The following CCSER1 variants were observed in gnomAD, a reference collection of about 807,000 sequenced individuals.
CCSER1 encodes the protein coiled-coil serine rich protein 1, also known as serine-rich coiled-coil domain-containing protein 1.
In CCSER1, 41 loss-of-function variants were observed where a neutral mutation model predicts 82.0. The ratio of observed to expected loss-of-function variants is 0.50; its 90% confidence interval spans 0.39 to 0.65. The LOEUF is 0.65. Among genes scored for constraint, CCSER1 ranks in the 30% least tolerant of loss-of-function variants. The probability of loss-of-function intolerance (pLI) is 0.00; values close to 1 mark genes in which losing one functional copy is unlikely to be tolerated. For synonymous variants in CCSER1, 414 were observed against 383.9 expected, an observed-to-expected ratio of 1.08 and a Z score of -0.92; for missense variants, 1,119 against 1,064.2, an observed-to-expected ratio of 1.05 and a Z score of -0.72.
chr4:90,599,471 A>C (rs750999280), intron 5 of CCSER1, among the ~76,000 whole-genome samples: 1 of 152,118 alleles, frequency 6.6e-6, no homozygotes, highest in Non-Finnish European at 1.5e-5. Context: ...GACTCAATAA[A>C]AACTCTTTTC....
intron 1 of CCSER1, among the ~76,000 whole-genome samples, chr4:90,291,810 T>C (rs1730989529): frequency 6.6e-6 from 1 of 152,018 alleles, no homozygotes; most frequent in African/African-American, 2.4e-5. Context: ...TTAGGTGAAT[T>C]TGTTAATTAT....
intron 7 of CCSER1, among the ~76,000 whole-genome samples, chr4:90,788,031 C>G (rs549801602): frequency 1.6e-4 from 24 of 152,208 alleles, no homozygotes; most frequent in Non-Finnish European, 2.5e-4. Context: ...GATAAGGGTA[C>G]TTTATTTTTA....
chr4:91,151,208 T>G (rs184847141), intron 10 of CCSER1, among the ~76,000 whole-genome samples: 1,761 of 152,052 alleles, frequency 0.012, 20 homozygotes, highest in Non-Finnish European at 0.02. Flanking sequence ...GAGGGTGCAT[T>G]TGTCGAGGAA....
At chr4:91,324,794 A>G (rs77497823) in intron 10 of CCSER1, among the ~76,000 whole-genome samples, 1 of 152,108 alleles carries the variant, frequency 6.6e-6, no homozygotes, top group Admixed American at 6.6e-5. Flanking sequence ...TTAAGCCTTC[A>G]GTGTAGTATT....
chr4:90,819,245 C>G (rs1272606931), intron 8 of CCSER1, among the ~76,000 whole-genome samples: 1 of 152,074 alleles, frequency 6.6e-6, no homozygotes, highest in Non-Finnish European at 1.5e-5. Context: ...CATAAGGACC[C>G]TACCTCATGG....
chr4:91,280,198 G>A (rs1210110329), intron 10 of CCSER1, among the ~76,000 whole-genome samples: 1 of 152,202 alleles, frequency 6.6e-6, no homozygotes, highest in Admixed American at 6.5e-5. Flanking sequence ...CAGTGTTAGT[G>A]GGTTTAGGCA....
At chr4:90,210,793 C>T (rs1739844288) in intron 1 of CCSER1, among the ~76,000 whole-genome samples, 2 of 152,110 alleles carry the variant, frequency 1.3e-5, no homozygotes, top group Non-Finnish European at 2.9e-5. Flanking sequence ...GATGGCAAAA[C>T]TCTAAATGAT....
At chr4:91,254,164 AAG>A (rs1489821242) in intron 10 of CCSER1, among the ~76,000 whole-genome samples, 1 of 152,188 alleles carries the variant, frequency 6.6e-6, no homozygotes, top group Non-Finnish European at 1.5e-5. Flanking sequence ...AACCAAACAG[AAG>A]ATAAGCAGGG....
chr4:91,214,079 C>G (rs551212575), intron 10 of CCSER1, among the ~76,000 whole-genome samples: 22 of 152,088 alleles, frequency 1.4e-4, no homozygotes, highest in Non-Finnish European at 2.9e-4. Flanking sequence ...AATTTCACTC[C>G]TGTGCCTTTT....
In CCSER1 at chr4:90,127,441, ACACAGTCACACTCCGCG is replaced by A. The variant is rs1392122826; in HGVS notation, c.-428_-412del. On this transcript the variant is annotated 5_prime_UTR_variant, in exon 1 of 11. Coordinates refer to ENST00000509176, the MANE Select transcript of CCSER1 (RefSeq NM_001145065.2). ...CGGGGAGGTGGATCTCGCGCTCCCC[ACACAGTCACACTCCGCG>A]CACTCACACACTTGGAAGCGCCTCC... 6.6e-6 allele frequency: 1 copy of A among 152,080 alleles called. No homozygotes were observed. Among genetic ancestry groups the A allele is most frequent in the Non-Finnish European group, 1.5e-5 (1 of 68,172 alleles). 9.4% of individuals were successfully genotyped at this position (152,080 alleles called of 1,614,324 possible).
chr4:91,085,003 T>G (rs956098998), intron 9 of CCSER1, among the ~76,000 whole-genome samples: 2 of 152,102 alleles, frequency 1.3e-5, no homozygotes, highest in Non-Finnish European at 2.9e-5. Context: ...TTATTATTGT[T>G]GCTACTTAAT....
intron 10 of CCSER1, among the ~76,000 whole-genome samples, chr4:91,412,882 G>GA: frequency 6.6e-6 from 1 of 152,082 alleles, no homozygotes; most frequent in East Asian, 1.9e-4. Context: ...AAGAAGGGGG[G>GA]ATCTATGAAT....
chr4:90,352,760 T>A (rs1201104606), intron 3 of CCSER1, among the ~76,000 whole-genome samples: 1 of 152,120 alleles, frequency 6.6e-6, no homozygotes, highest in Non-Finnish European at 1.5e-5. Context: ...AATAACTGTT[T>A]TTCCTGTAAA....
intron 5 of CCSER1, among the ~76,000 whole-genome samples, chr4:90,482,197 T>G (rs1322894627): frequency 6.6e-6 from 1 of 152,220 alleles, no homozygotes; most frequent in Non-Finnish European, 1.5e-5. Context: ...AGTTTATATT[T>G]CTGTGGGATC....
intron 3 of CCSER1, among the ~76,000 whole-genome samples, chr4:90,338,598 T>G (rs942851432): frequency 1.3e-5 from 2 of 152,228 alleles, no homozygotes; most frequent in Non-Finnish European, 2.9e-5. Flanking sequence ...TAGTATAGTA[T>G]TCAGTTAATT....
intron 9 of CCSER1, among the ~76,000 whole-genome samples, chr4:90,932,839 A>AG (rs1356071714): frequency 3.4e-5 from 5 of 145,708 alleles, no homozygotes; most frequent in Non-Finnish European, 7.5e-5. Context: ...AAAAAAAAAA[A>AG]AAAAAAGAAA....
chr4:91,406,900 T>C (rs560815220), intron 10 of CCSER1, among the ~76,000 whole-genome samples: 136 of 152,304 alleles, frequency 8.9e-4, no homozygotes, highest in African/African-American at 3.1e-3. Context: ...AAAAACAACC[T>C]TTGTTTATTT....
chr4:90,572,428 A>G (rs1780216471), intron 5 of CCSER1, among the ~76,000 whole-genome samples: 1 of 152,078 alleles, frequency 6.6e-6, no homozygotes. Flanking sequence ...GAAATTTTCT[A>G]TCCTATTATG....
At chr4:90,774,456 A>G (rs1752636593) in intron 7 of CCSER1, among the ~76,000 whole-genome samples, 1 of 152,152 alleles carries the variant, frequency 6.6e-6, no homozygotes, top group Non-Finnish European at 1.5e-5. Context: ...TCATGATAAT[A>G]TAATGAGTCA....
Sources: allele counts gnomAD v4.1 joint callset (sites outside exome capture counted in the v4.1 genomes callset), GRCh38; gene constraint gnomAD v4.1.1; transcripts MANE v1.5; gene names NCBI Gene and HGNC (gene_info 2026-07-23, HGNC 2026-07-21).